Variants in DGKI observed in about 807,000 individuals in gnomAD.
The protein encoded by DGKI is DAG kinase iota.
DGKI carries 55 observed loss-of-function variants against 147.5 expected under a neutral mutation model. The observed-to-expected ratio is 0.37, with a 90% confidence interval of 0.30 to 0.47. DGKI has a LOEUF of 0.47. DGKI is among the 20% of genes least tolerant of loss of function. The pLI is 1.00. For synonymous variants in DGKI, 469 were observed against 477.1 expected (o/e 0.98, Z 0.22); for missense variants, 1,007 against 1,323.8 (o/e 0.76, Z 3.71).
chr7:137,720,548 G>A (rs1035743556), intron 1 of DGKI, among the ~76,000 whole-genome samples: 2 of 152,016 alleles, frequency 1.3e-5, no homozygotes, highest in African/African-American at 2.4e-5. Context: ...GTGAGCCACC[G>A]CGCCCGGCCG....
intron 21 of DGKI, among the ~76,000 whole-genome samples, chr7:137,519,069 A>C (rs185445304): frequency 4.5e-4 from 69 of 152,178 alleles, no homozygotes; most frequent in African/African-American, 1.6e-3. Flanking sequence ...AGTGTCTTAC[A>C]TAAGTCTGAA....
chr7:137,546,879 C>A (rs1180972035), intron 20 of DGKI, among the ~76,000 whole-genome samples: 2 of 152,236 alleles, frequency 1.3e-5, no homozygotes, highest in African/African-American at 2.4e-5. Flanking sequence ...CCTCCAAGTA[C>A]TATCGTTTCC....
intron 1 of DGKI, chr7:137,722,881 G>C: frequency 2.8e-6 from 2 of 711,592 alleles, no homozygotes; most frequent in East Asian, 2.8e-5. Flanking sequence ...TTAAATAGTT[G>C]ACTACGTTAA....
At chr7:137,744,603 T>G (rs1211123446) in intron 1 of DGKI, among the ~76,000 whole-genome samples, 1 of 152,054 alleles carries the variant, frequency 6.6e-6, no homozygotes, top group African/African-American at 2.4e-5. Flanking sequence ...AATAAAACTA[T>G]AGGCCAATAT....
intron 27 of DGKI, among the ~76,000 whole-genome samples, chr7:137,451,112 A>AAAAC (rs1032217880): frequency 2.0e-5 from 3 of 152,216 alleles, no homozygotes; most frequent in African/African-American, 7.2e-5. Flanking sequence ...ACAAACTTCG[A>AAAAC]AAACAAACAA....
At position 137,466,042 on chromosome 7, in the gene DGKI, A is replaced by G; in HGVS notation, c.2485-7T>C. ...TCACAAAGTGCAAATGTTCCTAAAG[A>G]AGAACAAGAAGTCTGTTGCATGAAG... On this transcript the variant is annotated splice_polypyrimidine_tract_variant and splice_region_variant and intron_variant, in intron 25 of 32. Coordinates refer to ENST00000614521, the MANE Select transcript of DGKI (RefSeq NM_001321708.2). 9 of 1,613,416 alleles carry G rather than the reference A, an allele frequency of 5.6e-6. No individual in the cohort carries two copies. Among genetic ancestry groups the G allele is most frequent in the Non-Finnish European group, 6.8e-6 (8 of 1,179,568 alleles).
intron 10 of DGKI, among the ~76,000 whole-genome samples, chr7:137,603,096 G>T (rs957724003): frequency 1.3e-5 from 2 of 152,154 alleles, no homozygotes; most frequent in Non-Finnish European, 2.9e-5. Context: ...GATTGAACAA[G>T]ATTCATTCAT....
chr7:137,840,664 C>T (rs1585557288), intron 1 of DGKI, among the ~76,000 whole-genome samples: 1 of 152,318 alleles, frequency 6.6e-6, no homozygotes, highest in African/African-American at 2.4e-5. Context: ...AAGCTGTAAA[C>T]AGTAACGCAG....
At position 137,385,245 on chromosome 7, in the gene DGKI, A is replaced by G. The variant is rs1468849201; in HGVS notation, c.*5975T>C. On this transcript the variant is annotated 3_prime_UTR_variant, in exon 33 of 33. Coordinates refer to ENST00000614521, the MANE Select transcript of DGKI (RefSeq NM_001321708.2). ...TTGACTAGCTCTTAAATTCATGCTT[A>G]GTTTAAAATTTTTTAAATGATAACT... 1 of 152,110 alleles carries G rather than the reference A, an allele frequency of 6.6e-6. No homozygotes were observed. Among genetic ancestry groups the G allele is most frequent in the Non-Finnish European group, 1.5e-5 (1 of 68,000 alleles). The allele number at this position is 152,110 out of a possible 1,614,324, so 9.4% of individuals were successfully genotyped here. A position where few individuals can be genotyped will look rare whatever the true frequency, so the allele number is the denominator to read the frequency against.
intron 7 of DGKI, among the ~76,000 whole-genome samples, chr7:137,622,119 T>C (rs1041325740): frequency 6.6e-6 from 1 of 152,152 alleles, no homozygotes; most frequent in Non-Finnish European, 1.5e-5. Flanking sequence ...GTCACAGGAT[T>C]GTGATGCAGC....
chr7:137,713,638 A>T (rs142565365), intron 1 of DGKI, among the ~76,000 whole-genome samples: 1,694 of 152,024 alleles, frequency 0.011, 14 homozygotes, highest in Non-Finnish European at 0.018. Flanking sequence ...AACCTACCCA[A>T]TTTTTTTTAA....
chr7:137,448,300 CAAAAAAAAAAA>C (rs35613517), intron 27 of DGKI, among the ~76,000 whole-genome samples: 1 of 79,962 alleles, frequency 1.3e-5, no homozygotes, highest in Non-Finnish European at 2.5e-5. Flanking sequence ...ACTAGAAGCT[CAAAAAAAAAAA>C]AAAAAAAACT....
intron 1 of DGKI, among the ~76,000 whole-genome samples, chr7:137,832,025 C>T (rs1197345859): frequency 2.0e-5 from 3 of 152,232 alleles, no homozygotes; most frequent in East Asian, 1.9e-4. Context: ...AAATTCAGGT[C>T]GTGCTGATAC....
intron 21 of DGKI, among the ~76,000 whole-genome samples, chr7:137,507,079 T>C (rs1408615053): frequency 6.6e-6 from 1 of 152,186 alleles, no homozygotes; most frequent in Non-Finnish European, 1.5e-5. Flanking sequence ...CACCTGGTCA[T>C]CATTAATTTC....
At chr7:137,539,678 T>C (rs550345346) in intron 20 of DGKI, among the ~76,000 whole-genome samples, 1 of 151,482 alleles carries the variant, frequency 6.6e-6, no homozygotes, top group Admixed American at 6.6e-5. Context: ...AAATAAAAGA[T>C]TCCACTTTAG....
intron 15 of DGKI, among the ~76,000 whole-genome samples, chr7:137,579,946 T>C (rs1023819481): frequency 6.6e-6 from 1 of 152,136 alleles, no homozygotes; most frequent in Non-Finnish European, 1.5e-5. Flanking sequence ...CCCAAAAGAA[T>C]TTTCTTCTAA....
chr7:137,622,861 G>A (rs1271907486), intron 7 of DGKI, among the ~76,000 whole-genome samples: 1 of 152,096 alleles, frequency 6.6e-6, no homozygotes, highest in African/African-American at 2.4e-5. Context: ...GTAGATTAAA[G>A]AAAAATAAAT....
chr7:137,790,431 A>G (rs776329621), intron 1 of DGKI, among the ~76,000 whole-genome samples: 1 of 152,326 alleles, frequency 6.6e-6, no homozygotes, highest in African/African-American at 2.4e-5. Flanking sequence ...TCAAAAGCCA[A>G]ATAGAAAGCC....
intron 21 of DGKI, among the ~76,000 whole-genome samples, chr7:137,521,016 T>A (rs1252693837): frequency 6.6e-6 from 1 of 152,100 alleles, no homozygotes; most frequent in Non-Finnish European, 1.5e-5. Flanking sequence ...TATATCAGCA[T>A]CATTGCCTAT....
Sources: allele counts gnomAD v4.1 joint callset (sites outside exome capture counted in the v4.1 genomes callset), GRCh38; gene constraint gnomAD v4.1.1; transcripts MANE v1.5; gene names NCBI Gene and HGNC (gene_info 2026-07-23, HGNC 2026-07-21).